PRDM16: variants seen among roughly 807,000 people sequenced by gnomAD.
PRDM16 encodes PR/SET domain 16.
In PRDM16, 23 loss-of-function variants were observed where a neutral mutation model predicts 110.6. That is an observed-to-expected ratio of 0.21 (90% CI 0.15 to 0.29). The LOEUF (loss-of-function observed/expected upper bound fraction) is 0.29. Ranked by LOEUF, PRDM16 falls within the 10% of genes least tolerant of loss-of-function variation. The probability of loss-of-function intolerance (pLI) is 1.00; values close to 1 mark genes in which losing one functional copy is unlikely to be tolerated. For missense variants in PRDM16, 1,615 were observed against 1,794.3 expected (o/e 0.90, Z 1.81); for synonymous variants, 799 against 781.8 (o/e 1.02, Z -0.37).
In PRDM16 at chr1:3,201,626, C is replaced by T. The variant is rs1014163512; in HGVS notation, c.387+15152C>T. ...GCATGGCCTCGGGGGCTGGGAGCCCCGGCTCTGACGTTTCTCCAGTGACCC... is the reference window on the plus strand; with the variant it reads ...GCATGGCCTCGGGGGCTGGGAGCCCTGGCTCTGACGTTTCTCCAGTGACCC... On this transcript the variant is annotated intron_variant, in intron 2 of 16. Coordinates refer to ENST00000270722, the MANE Select transcript of PRDM16 (RefSeq NM_022114.4). The surrounding 1 kb of genome is among the most constrained non-coding windows in gnomAD (Gnocchi z 4.1). Among the ~76,000 whole-genome samples, 2 of 152,246 alleles carry T rather than the reference C, an allele frequency of 1.3e-5. No homozygotes were observed. Among genetic ancestry groups the T allele is most frequent in the Non-Finnish European group, 2.9e-5 (2 of 68,040 alleles).
intron 2 of PRDM16, among the ~76,000 whole-genome samples, chr1:3,188,649 G>A (rs1437344975): frequency 6.6e-6 from 1 of 152,216 alleles, no homozygotes; most frequent in Non-Finnish European, 1.5e-5. Context: ...CACCCGGCAG[G>A]ATCTCGCCTG....
At chr1:3,171,121 C>CT (rs1393927270) in intron 1 of PRDM16, among the ~76,000 whole-genome samples, 1 of 152,250 alleles carries the variant, frequency 6.6e-6, no homozygotes, top group African/African-American at 2.4e-5. Flanking sequence ...TCGGGGCCCT[C>CT]TCTCCCTCTT....
At position 3,412,228 on chromosome 1, in the gene PRDM16, A is replaced by G. The variant is rs1326958574; in HGVS notation, c.2031A>G (p.Pro677=). 1 of 1,608,126 alleles carries G rather than the reference A, an allele frequency of 6.2e-7. No homozygotes were observed. The highest frequency in any genetic ancestry group is 8.5e-7 in the Non-Finnish European group (1 of 1,175,990). ...VFYSQHSFFP[P]PDEQLLTATG... The stretch of plus-strand genomic sequence containing the variant: ...ATTCCCAGCACTCATTCTTCCCGCC[A>G]CCCGACGAGCAGCTGCTGACTGCAA... Residue 677 remains proline, a synonymous_variant, in exon 9 of 17, where the codon CCA becomes CCG. Transcript: ENST00000270722.
At chr1:3,342,821 G>C (rs1439913284) in intron 3 of PRDM16, among the ~76,000 whole-genome samples, 1 of 152,186 alleles carries the variant, frequency 6.6e-6, no homozygotes, top group East Asian at 1.9e-4. Flanking sequence ...CTTGTCAGCT[G>C]CGTGTTCTTT....
At chr1:3,367,049 C>T (rs1259603291) in intron 3 of PRDM16, among the ~76,000 whole-genome samples, 1 of 152,204 alleles carries the variant, frequency 6.6e-6, no homozygotes, top group East Asian at 1.9e-4. Context: ...CGGTGGATCA[C>T]CTGAGGTCAG....
chr1:3,338,018 CA>C (rs531241583), intron 3 of PRDM16, among the ~76,000 whole-genome samples: 1 of 152,234 alleles, frequency 6.6e-6, no homozygotes, highest in Non-Finnish European at 1.5e-5. Context: ...TGAATACACA[CA>C]GACACATGTG....
chr1:3,197,053 G>A (rs1569824614), intron 2 of PRDM16, among the ~76,000 whole-genome samples: 2 of 152,302 alleles, frequency 1.3e-5, no homozygotes, highest in Middle Eastern at 3.4e-3. Context: ...CCCGGCCACA[G>A]CTGCACGAGG....
At chr1:3,427,469 C>G (rs1442271144) in intron 14 of PRDM16, among the ~76,000 whole-genome samples, 2 of 152,272 alleles carry the variant, frequency 1.3e-5, no homozygotes, top group East Asian at 3.9e-4. Context: ...AGCTCACTCC[C>G]CACCACCTCC....
At position 3,089,347 on chromosome 1, in the gene PRDM16, C is replaced by T. The variant is rs189146904; in HGVS notation, c.37+20051C>T. Among the ~76,000 whole-genome samples, 455 of 152,354 alleles carry T rather than the reference C, an allele frequency of 3.0e-3. 2 individuals are homozygous for T. Among genetic ancestry groups the T allele is most frequent in the South Asian group, 7.7e-3 (37 of 4,822 alleles). The stretch of plus-strand genomic sequence containing the variant: ...GTTGGGACCCCTGGGACCCACCCCC[C>T]ACCGGGGCTGTGACCCCATGCAACA... On this transcript the variant is annotated intron_variant, in intron 1 of 16. Transcript: ENST00000270722.
rs769424484 is a variant in PRDM16 at position 3,303,380 on chromosome 1, C to T, written c.438+59243C>T. On this transcript the variant is annotated intron_variant, in intron 3 of 16. Coordinates refer to ENST00000270722, the MANE Select transcript of PRDM16 (RefSeq NM_022114.4). ...GCATAGGGTTTCTGAGGTTTTGCCACGGTGAACACGCGTCAGTCTCCCACT... is the reference window on the plus strand; with the variant it reads ...GCATAGGGTTTCTGAGGTTTTGCCATGGTGAACACGCGTCAGTCTCCCACT... Among the ~76,000 whole-genome samples, 12 of 152,236 alleles carry T rather than the reference C, an allele frequency of 7.9e-5. No homozygotes were observed. The South Asian group carries it at 1.2e-3, about 16-fold the overall frequency.
chr1:3,242,555 A>C (rs965596824), intron 2 of PRDM16, among the ~76,000 whole-genome samples: 1 of 152,184 alleles, frequency 6.6e-6, no homozygotes, highest in Non-Finnish European at 1.5e-5. Context: ...CCCCGCAGGC[A>C]GGTCACACCC....
intron 3 of PRDM16, among the ~76,000 whole-genome samples, chr1:3,266,532 CCT>C (rs1233755462): frequency 6.6e-6 from 1 of 152,214 alleles, no homozygotes; most frequent in Admixed American, 6.5e-5. Context: ...CTGCTCCGCT[CCT>C]CCGACGAGGA....
chr1:3,131,583 GA>G (rs1373768742), intron 1 of PRDM16, among the ~76,000 whole-genome samples: 2 of 152,206 alleles, frequency 1.3e-5, no homozygotes, highest in African/African-American at 4.8e-5. Context: ...CTGTACTGCA[GA>G]AAAAATAATA....
In PRDM16 at chr1:3,405,562, C is replaced by T. The variant is rs1174168963; in HGVS notation, c.1100C>T (p.Ala367Val). ...RSQHVGARAH[A>V]CPDCGKTFAT... is the part of the protein sequence containing the mutation. ...CAGCACGTGGGCGCTCGGGCCCACG[C>T]CTGCCCCGACTGCGGGAAGACCTTC... The change falls in exon 8 of 17, where the codon GCC (alanine) becomes GTC (valine). Residue 367 changes from alanine to valine, a missense_variant. This residue lies in a region of PRDM16 where 82 missense variants were observed against 144.4 expected (regional missense o/e 0.57). Transcript: ENST00000270722. 2 of 1,610,912 alleles carry T rather than the reference C, an allele frequency of 1.2e-6. No individual in the cohort carries two copies. The highest frequency in any genetic ancestry group is 1.7e-6 in the Non-Finnish European group (2 of 1,179,044).
chr1:3,426,238 T>C lies in PRDM16; in HGVS notation c.3284+13T>C. 1 of 1,609,678 alleles carries C rather than the reference T, an allele frequency of 6.2e-7. No homozygotes were observed. Among genetic ancestry groups the C allele is most frequent in the Middle Eastern group, 1.7e-4 (1 of 6,030 alleles). ...GAACAGAGAAACGGTAAGAAAACTA[T>C]CGCGGGCTGGGGAAAGTCTGGACCC... On this transcript the variant is annotated intron_variant, in intron 14 of 16. Transcript: ENST00000270722.
chr1:3,373,774 C>A (rs928283666), intron 3 of PRDM16, among the ~76,000 whole-genome samples: 3 of 152,234 alleles, frequency 2.0e-5, no homozygotes, highest in African/African-American at 7.2e-5. Flanking sequence ...GCAGGGATTG[C>A]AGCCAGGAAG....
intron 3 of PRDM16, among the ~76,000 whole-genome samples, chr1:3,287,509 C>CT (rs370657563): frequency 5.3e-5 from 4 of 76,016 alleles, no homozygotes; most frequent in Admixed American, 1.4e-4. Flanking sequence ...GGAGCCGCCC[C>CT]GCCACGCGGG....
chr1:3,114,191 A>ACGCACACGCATGCG (rs1553127260), intron 1 of PRDM16, among the ~76,000 whole-genome samples: 5 of 131,714 alleles, frequency 3.8e-5, no homozygotes, highest in East Asian at 4.9e-4. Context: ...ACACGCACAC[A>ACGCACACGCATGCG]CGCACACGCA....
intron 5 of PRDM16, among the ~76,000 whole-genome samples, chr1:3,400,492 C>T (rs566954472): frequency 2.0e-4 from 30 of 152,288 alleles, no homozygotes; most frequent in African/African-American, 6.7e-4. Flanking sequence ...CCAGGCTGTG[C>T]ACCCTGTCCA....
Sources: allele counts gnomAD v4.1 joint callset (sites outside exome capture counted in the v4.1 genomes callset), GRCh38; gene constraint gnomAD v4.1.1; regional missense constraint gnomAD v4.1.1; non-coding constraint Gnocchi (gnomAD v3.1); transcripts MANE v1.5; gene names NCBI Gene and HGNC (gene_info 2026-07-23, HGNC 2026-07-21).